Variants in ACO1 observed in about 807,000 individuals in gnomAD.
ACO1 encodes aconitase 1.
In ACO1, 78 loss-of-function variants were observed where a neutral mutation model predicts 105.1. The observed-to-expected ratio is 0.74, with a 90% CI of 0.62 to 0.90. The LOEUF (loss-of-function observed/expected upper bound fraction) is 0.90. Ranked by LOEUF, ACO1 falls within the 40% of genes least tolerant of loss-of-function variation. ACO1 has a pLI of 0.00. For synonymous variants in ACO1, 364 were observed against 397.4 expected (o/e 0.92, Z 1.00); for missense variants, 965 against 1,111.1 (o/e 0.87, Z 1.87).
At chr9:32,438,399 A>G (rs1389705329) in intron 18 of ACO1, among the ~76,000 whole-genome samples, 1 of 152,228 alleles carries the variant, frequency 6.6e-6, no homozygotes, top group Non-Finnish European at 1.5e-5. Context: ...GGGAATCCCC[A>G]GGATGCTAGT....
chr9:32,393,320 G>C (rs191665601), intron 1 of ACO1, among the ~76,000 whole-genome samples: 1 of 152,072 alleles, frequency 6.6e-6, no homozygotes, highest in African/African-American at 2.4e-5. Flanking sequence ...TGTCTTTTAC[G>C]GTCACTGCTG....
At chr9:32,448,360 C>T (rs12554703) in intron 19 of ACO1, among the ~76,000 whole-genome samples, 24,679 of 152,182 alleles carry the variant, frequency 0.16, 2,424 homozygotes, top group South Asian at 0.32. Context: ...CAGCAATGGC[C>T]GATGCCCCTC....
chr9:32,399,966 G>GTTTTTTTTTTTTTTTTT (rs57615512), intron 1 of ACO1, among the ~76,000 whole-genome samples: 12 of 69,820 alleles, frequency 1.7e-4, no homozygotes, highest in Non-Finnish European at 2.0e-4. Flanking sequence ...TTCTTTTTCT[G>GTTTTTTTTTTTTTTTTT]TTTTTTTTTT....
intron 1 of ACO1, among the ~76,000 whole-genome samples, chr9:32,392,921 A>G (rs554430153): frequency 8.5e-4 from 129 of 152,320 alleles, no homozygotes; most frequent in African/African-American, 2.9e-3. Context: ...CACTTCCCCA[A>G]TGAATACCCT....
At chr9:32,431,540 G>C (rs895857218) in intron 14 of ACO1, among the ~76,000 whole-genome samples, 179 bp from the exon 15 acceptor site, 4 of 152,208 alleles carry the variant, frequency 2.6e-5, no homozygotes, top group African/African-American at 9.6e-5. Context: ...TGGGTGACCA[G>C]AGGCTTGCAG....
intron 18 of ACO1, 125 bp from the exon 19 acceptor site, chr9:32,440,340 C>A: frequency 2.2e-6 from 2 of 929,518 alleles, no homozygotes; most frequent in Non-Finnish European, 1.6e-6. Context: ...AATTTGTAGA[C>A]AAGATGATTG....
rs756807053 is a variant in ACO1 at position 32,423,345 on chromosome 9, A to G, written c.997A>G (p.Ile333Val). The G allele has an allele frequency of 1.9e-6, 3 of 1,596,296 alleles. No individual in the cohort carries two copies. Among genetic ancestry groups the G allele is most frequent in the Non-Finnish European group, 2.6e-6 (3 of 1,174,496 alleles). The change falls in exon 9 of 21, where the codon ATT (isoleucine) becomes GTT (valine). Residue 333 changes from isoleucine to valine, a missense_variant. Ile to Val is a conservative substitution (Grantham distance 29). Transcript: ENST00000309951. ...TGRDEEKLKY[I>V]KKYLQAVGMF... Reference sequence around the variant, plus strand: ...TCGTGATGAAGAAAAATTAAAGTATATTAAAAAATATCTTCAGGCTGTAGG... The same window carrying G: ...TCGTGATGAAGAAAAATTAAAGTATGTTAAAAAATATCTTCAGGCTGTAGG...
intron 1 of ACO1, among the ~76,000 whole-genome samples, chr9:32,398,958 G>A (rs745871728): frequency 6.6e-6 from 1 of 152,094 alleles, no homozygotes; most frequent in Non-Finnish European, 1.5e-5. Context: ...TTTTAATGTA[G>A]AGCTACTCAT....
At chr9:32,399,785 C>T in intron 1 of ACO1, among the ~76,000 whole-genome samples, 1 of 148,348 alleles carries the variant, frequency 6.7e-6, no homozygotes, top group Non-Finnish European at 1.5e-5. Flanking sequence ...AAGCAATTAG[C>T]AAAACAATGT....
At chr9:32,397,526 A>G (rs954580923) in intron 1 of ACO1, among the ~76,000 whole-genome samples, 2 of 152,330 alleles carry the variant, frequency 1.3e-5, no homozygotes, top group African/African-American at 4.8e-5. Context: ...TCTGACCTCA[A>G]TGTTGTTTAT....
chr9:32,392,238 A>G (rs964472169), intron 1 of ACO1, among the ~76,000 whole-genome samples: 8 of 152,150 alleles, frequency 5.3e-5, no homozygotes, highest in Non-Finnish European at 1.0e-4. Flanking sequence ...GCATGGTGCA[A>G]GAGAGTTGGT....
At chr9:32,437,262 A>C (rs1286161210) in intron 18 of ACO1, among the ~76,000 whole-genome samples, 2 of 152,204 alleles carry the variant, frequency 1.3e-5, no homozygotes, top group African/African-American at 4.8e-5. Context: ...TGAGAAGTGA[A>C]GCATAAAGAG....
Position 32,424,085 on chromosome 9 carries a change from G to A in ACO1, c.1072-464G>A, listed in dbSNP as rs555390228. Among the ~76,000 whole-genome samples, 3 of 152,328 alleles carry A rather than the reference G, an allele frequency of 2.0e-5. No individual in the cohort carries two copies. The South Asian group carries it at 6.2e-4, about 32-fold the overall frequency. On this transcript the variant is annotated intron_variant, in intron 9 of 20. Coordinates refer to ENST00000309951, the MANE Select transcript of ACO1 (RefSeq NM_002197.3). ...CCCATGTTTGGTTTCTTAATACATT[G>A]AGGAGGGGAAATGTTCAGTTAGACT...
In ACO1 at chr9:32,418,355, C is replaced by T. The variant is rs41305321; in HGVS notation, c.502C>T (p.Arg168Trp). The change falls in exon 6 of 21, where the codon CGG becomes TGG. Residue 168 changes from arginine (R) to tryptophan (W), a missense_variant. Coordinates refer to ENST00000309951, the MANE Select transcript of ACO1 (RefSeq NM_002197.3). ...GGGTTCCCAGGCTTTTCACAACATG[C>T]GGATTATTCCCCCTGGCTCAGGAAT... ...KWGSQAFHNM[R>W]IIPPGSGIIH... The T allele has an allele frequency of 9.1e-4, 1,461 of 1,614,078 alleles. 1 individual carries two copies. Among genetic ancestry groups the T allele is most frequent in the Non-Finnish European group, 1.2e-3 (1,406 of 1,179,994 alleles).
Position 32,448,996 on chromosome 9 carries a change from C to T in ACO1, c.2471C>T (p.Ala824Val). The change falls in exon 20 of 21, where the codon GCA (alanine) becomes GTA (valine). Residue 824 changes from alanine to valine, a missense_variant. By Grantham distance (64) the Ala-to-Val change is moderately conservative (BLOSUM62 0). Coordinates refer to ENST00000309951, the MANE Select transcript of ACO1 (RefSeq NM_002197.3). ...IPLEYLPGENADALGLTGQER... is the reference protein window; with the variant it reads ...IPLEYLPGENVDALGLTGQER... ...CTTGAATATCTCCCTGGTGAGAATGCAGATGCCCTGGGGCTCACAGGGCAA... is the reference window on the plus strand; with the variant it reads ...CTTGAATATCTCCCTGGTGAGAATGTAGATGCCCTGGGGCTCACAGGGCAA... 1.2e-6 allele frequency: 2 copies of T among 1,614,150 alleles called. No homozygotes were observed. The highest frequency in any genetic ancestry group is 1.3e-5 in the African/African-American group (1 of 75,036).
At chr9:32,444,780 A>G (rs1169845809) in intron 19 of ACO1, among the ~76,000 whole-genome samples, 2 of 152,140 alleles carry the variant, frequency 1.3e-5, no homozygotes, top group African/African-American at 4.8e-5. Context: ...CTATTTTGAG[A>G]TATGTTCCAT....
chr9:32,403,080 G>A (rs1370828177), intron 1 of ACO1, among the ~76,000 whole-genome samples: 2 of 152,150 alleles, frequency 1.3e-5, no homozygotes, highest in Non-Finnish European at 2.9e-5. Flanking sequence ...AGCTTTAGGG[G>A]CTAGTGGGTG....
chr9:32,408,436 C>T (rs1239772822), intron 3 of ACO1, 78 bp from the exon 4 acceptor site: 1 of 1,540,420 alleles, frequency 6.5e-7, no homozygotes, highest in Non-Finnish European at 8.9e-7. Flanking sequence ...TCAATATTAT[C>T]AATGGAGGCA....
intron 12 of ACO1, among the ~76,000 whole-genome samples, chr9:32,428,680 T>C (rs1822154875): frequency 1.3e-5 from 2 of 150,988 alleles, no homozygotes; most frequent in African/African-American, 4.9e-5. Flanking sequence ...CTACTGAAAA[T>C]ACAAAAAAAC....
Sources: allele counts gnomAD v4.1 joint callset (sites outside exome capture counted in the v4.1 genomes callset), GRCh38; gene constraint gnomAD v4.1.1; transcripts MANE v1.5; gene names NCBI Gene and HGNC (gene_info 2026-07-23, HGNC 2026-07-21).